The following GLDN variants were observed in gnomAD, a reference collection of about 807,000 sequenced individuals.
The protein encoded by GLDN is gliomedin, also known as collomin.
Under a neutral mutation model 56.5 loss-of-function variants are expected in GLDN, and 47 were observed. The observed-to-expected ratio is 0.83, with a 90% confidence interval of 0.66 to 1.06. The LOEUF is 1.06. Among genes scored for constraint, GLDN ranks in the 50% least tolerant of loss-of-function variants. The pLI, the probability that GLDN is intolerant of heterozygous loss-of-function variation, is 0.00. For missense variants in GLDN, 782 were observed against 714.3 expected (o/e 1.09, Z -1.08); for synonymous variants, 332 against 278.8 (o/e 1.19, Z -1.90).
At chr15:51,381,761 C>T (rs1406726310) in intron 2 of GLDN, among the ~76,000 whole-genome samples, 2 of 150,356 alleles carry the variant, frequency 1.3e-5, no homozygotes, top group Admixed American at 6.6e-5. Flanking sequence ...TACAAAGATC[C>T]CCTAGGGTTT....
Position 51,394,883 on chromosome 15 carries a change from A to T in GLDN, c.590A>T (p.Asp197Val). ...CCAGGGGAAAGGGGAGAAAAGGGAG[A>T]CCATGGTGAACTGGGCCTGCAGGGA... The part of the protein sequence containing the change: ...GNPGERGEKG[D>V]HGELGLQGNE... Residue 197 changes from aspartate (D) to valine (V), a missense_variant, in exon 5 of 10, where the codon GAC (aspartate) becomes GTC (valine). Coordinates refer to ENST00000335449, the MANE Select transcript of GLDN (RefSeq NM_181789.4). 1.2e-6 allele frequency: 2 copies of T among 1,613,634 alleles called. No individual in the cohort carries two copies. Among genetic ancestry groups the T allele is most frequent in the Non-Finnish European group, 1.7e-6 (2 of 1,179,768 alleles).
At chr15:51,370,231 C>A (rs1354631947) in intron 1 of GLDN, among the ~76,000 whole-genome samples, 2 of 152,156 alleles carry the variant, frequency 1.3e-5, no homozygotes, top group Admixed American at 1.3e-4. Flanking sequence ...CTTTCTCATC[C>A]CTCCTCCCCA....
chr15:51,376,580 A>G (rs559995675), intron 1 of GLDN, among the ~76,000 whole-genome samples: 1 of 152,384 alleles, frequency 6.6e-6, no homozygotes, highest in East Asian at 1.9e-4. Flanking sequence ...GCTTACTGTG[A>G]CATGTTTACT....
chr15:51,355,807 G>C (rs1457459536), intron 1 of GLDN, among the ~76,000 whole-genome samples: 6 of 150,702 alleles, frequency 4.0e-5, no homozygotes, highest in South Asian at 4.2e-4. Flanking sequence ...ACAGGCGTGA[G>C]CCACCACACC....
At chr15:51,365,976 C>T (rs1219615250) in intron 1 of GLDN, among the ~76,000 whole-genome samples, 1 of 152,180 alleles carries the variant, frequency 6.6e-6, no homozygotes, top group Non-Finnish European at 1.5e-5. Context: ...GAATAAGTTG[C>T]AGGACTCACA....
chr15:51,350,101 C>T (rs987790224), intron 1 of GLDN, among the ~76,000 whole-genome samples: 5 of 152,098 alleles, frequency 3.3e-5, no homozygotes, highest in African/African-American at 9.7e-5. Flanking sequence ...CCTTGGTTAA[C>T]TCTGGGGTCT....
chr15:51,384,069 GT>G, intron 4 of GLDN, 177 bp downstream of exon 4: 1 of 670,450 alleles, frequency 1.5e-6, no homozygotes, highest in Non-Finnish European at 2.7e-6. Context: ...ATACTTCTTG[GT>G]CCCACCTTGA....
At chr15:51,367,265 C>T (rs972534474) in intron 1 of GLDN, 2 of 152,208 alleles carry the variant, frequency 1.3e-5, no homozygotes, top group African/African-American at 4.8e-5. Context: ...CAATGCTAAT[C>T]ATTGTCACAT....
At chr15:51,391,236 C>T (rs969866086) in intron 4 of GLDN, among the ~76,000 whole-genome samples, 5 of 152,200 alleles carry the variant, frequency 3.3e-5, no homozygotes, top group Admixed American at 6.5e-5. Context: ...CTGTGGGGGG[C>T]GCATTACAAC....
chr15:51,369,729 T>A (rs908993226), intron 1 of GLDN, among the ~76,000 whole-genome samples: 14 of 152,190 alleles, frequency 9.2e-5, no homozygotes, highest in African/African-American at 3.4e-4. Context: ...TACACATCTA[T>A]TAGTAAAAAT....
chr15:51,375,675 T>C (rs991068916), intron 1 of GLDN, among the ~76,000 whole-genome samples: 1 of 152,156 alleles, frequency 6.6e-6, no homozygotes, highest in African/African-American at 2.4e-5. Flanking sequence ...CTGCCACAGG[T>C]GGTCATCCAG....
At chr15:51,348,413 G>A (rs1184646491) in intron 1 of GLDN, among the ~76,000 whole-genome samples, 2 of 151,776 alleles carry the variant, frequency 1.3e-5, no homozygotes, top group Admixed American at 6.6e-5. Flanking sequence ...GCTTACTGCC[G>A]CCTTGACTAA....
At chr15:51,356,452 T>C (rs1406472920) in intron 1 of GLDN, among the ~76,000 whole-genome samples, 1 of 151,898 alleles carries the variant, frequency 6.6e-6, no homozygotes, top group Non-Finnish European at 1.5e-5. Context: ...GAATATGACA[T>C]TAAAAGAGAG....
chr15:51,342,247 G>A (rs2036900518), intron 1 of GLDN, among the ~76,000 whole-genome samples, 200 bp downstream of exon 1: 1 of 152,250 alleles, frequency 6.6e-6, no homozygotes, highest in Non-Finnish European at 1.5e-5. Flanking sequence ...TGAGGTTGGG[G>A]ACAGGGTGAA....
intron 1 of GLDN, among the ~76,000 whole-genome samples, chr15:51,366,767 C>T (rs1182567641): frequency 6.6e-6 from 1 of 152,042 alleles, no homozygotes; most frequent in Non-Finnish European, 1.5e-5. Context: ...AAAAACTAGC[C>T]AGGCATGGTG....
intron 4 of GLDN, among the ~76,000 whole-genome samples, chr15:51,392,294 T>C (rs2038039562): frequency 6.6e-6 from 1 of 152,174 alleles, no homozygotes; most frequent in Admixed American, 6.5e-5. Flanking sequence ...TTCATCTGTA[T>C]TTACAGCCAC....
At chr15:51,411,758 T>A (rs1159573513), downstream of GLDN, among the ~76,000 whole-genome samples, 1 of 152,252 alleles carries the variant, frequency 6.6e-6, no homozygotes, top group Non-Finnish European at 1.5e-5. Flanking sequence ...CTTTGACTTT[T>A]AAAAAATATT....
In GLDN at chr15:51,399,137, C is replaced by T. The variant is rs149709009; in HGVS notation, c.818-1055C>T. Among the ~76,000 whole-genome samples, 1,019 of 152,218 alleles carry T rather than the reference C, an allele frequency of 6.7e-3. 9 individuals carry two copies. Among genetic ancestry groups the T allele is most frequent in the African/African-American group, 0.023 (973 of 41,534 alleles). ...TAAGTGGAAACCCCAGTTGAAACTC[C>T]GGGGGCAGCAGGGTTGCCCATGGGA... On this transcript the variant is annotated intron_variant, in intron 6 of 9. Transcript: ENST00000335449.
rs1258703990 is a variant in GLDN at position 51,352,050 on chromosome 15, A to G, written c.363+10003A>G. On this transcript the variant is annotated intron_variant, in intron 1 of 9. Coordinates refer to ENST00000335449, the MANE Select transcript of GLDN (RefSeq NM_181789.4). ...ATATTCTTAGTTGATTCAGGCTGCT[A>G]TAACTAAATACCATAGGCTAGGTAG... Among the ~76,000 whole-genome samples, 5 of 152,202 alleles carry G rather than the reference A, an allele frequency of 3.3e-5. No individual in the cohort carries two copies. In the East Asian group the frequency reaches 9.6e-4, roughly 29 times the overall value.
Sources: gnomAD v4.1 joint callset for allele counts (sites outside exome capture counted in the v4.1 genomes callset) on GRCh38, gnomAD v4.1.1 for gene constraint, MANE v1.5 for transcripts, NCBI Gene and HGNC (gene_info 2026-07-23, HGNC 2026-07-21) for gene names.